Variants in TEAD1 observed in about 807,000 individuals in gnomAD.
TEAD1 encodes the protein transcriptional enhancer factor TEF-1.
Under a neutral mutation model 54.9 loss-of-function variants are expected in TEAD1, and 9 were observed. The observed-to-expected ratio is 0.16, with a 90% CI of 0.10 to 0.29. The LOEUF (loss-of-function observed/expected upper bound fraction) is 0.29. TEAD1 is among the 10% of genes least tolerant of loss of function. TEAD1 has a pLI of 1.00. For missense variants in TEAD1, 387 were observed against 535.9 expected, an observed-to-expected ratio of 0.72 and a Z score of 2.74; for synonymous variants, 200 against 187.8, an observed-to-expected ratio of 1.07 and a Z score of -0.53.
In TEAD1 at chr11:12,844,630, A is replaced by G. The variant is rs185849088; in HGVS notation, c.203-17620A>G. Reference sequence around the variant, plus strand: ...TGGCAGTGGAGCATTTGCTGACTTCAGAGTGCCAGATCAACCCCAATATTT... The same window carrying G: ...TGGCAGTGGAGCATTTGCTGACTTCGGAGTGCCAGATCAACCCCAATATTT... On this transcript the variant is annotated intron_variant, in intron 3 of 12. Transcript: ENST00000527636. Among the ~76,000 whole-genome samples, 140 of 152,296 alleles carry G rather than the reference A, an allele frequency of 9.2e-4. 1 individual carries two copies. The highest frequency in any genetic ancestry group is 4.8e-3 in the South Asian group (23 of 4,820).
chr11:12,794,412 G>A (rs2133965811), intron 3 of TEAD1, among the ~76,000 whole-genome samples: 1 of 152,234 alleles, frequency 6.6e-6, no homozygotes, highest in South Asian at 2.1e-4. Flanking sequence ...AACTTTGTCT[G>A]TGTATTATTT....
chr11:12,826,265 A>G (rs1392914888), intron 3 of TEAD1, among the ~76,000 whole-genome samples: 1 of 152,198 alleles, frequency 6.6e-6, no homozygotes, highest in African/African-American at 2.4e-5. Context: ...ATTTTTACTT[A>G]CCACTCAAAA....
At chr11:12,719,047 TGTG>T (rs1252263089) in intron 2 of TEAD1, among the ~76,000 whole-genome samples, 1 of 151,648 alleles carries the variant, frequency 6.6e-6, no homozygotes, top group Non-Finnish European at 1.5e-5. Flanking sequence ...CGTTTTCAAA[TGTG>T]GTTGGTTTCT....
chr11:12,760,335 C>A (rs1945074896), intron 2 of TEAD1, among the ~76,000 whole-genome samples: 1 of 152,146 alleles, frequency 6.6e-6, no homozygotes, highest in Non-Finnish European at 1.5e-5. Context: ...TTGTTATTTG[C>A]ATTTAACAAA....
At chr11:12,759,772 G>A (rs1476767686) in intron 2 of TEAD1, among the ~76,000 whole-genome samples, 1 of 152,210 alleles carries the variant, frequency 6.6e-6, no homozygotes, top group African/African-American at 2.4e-5. Flanking sequence ...TGAGGCAGGA[G>A]AATTGCTTGA....
intron 9 of TEAD1, among the ~76,000 whole-genome samples, chr11:12,896,952 A>T (rs1366229650): frequency 6.6e-6 from 1 of 152,150 alleles, no homozygotes; most frequent in African/African-American, 2.4e-5. Flanking sequence ...TCCATCGTTG[A>T]CCTTGAGATG....
At chr11:12,693,960 AG>A (rs1943521171) in intron 2 of TEAD1, among the ~76,000 whole-genome samples, 1 of 152,220 alleles carries the variant, frequency 6.6e-6, no homozygotes, top group Non-Finnish European at 1.5e-5. Flanking sequence ...TGTAAGCGGT[AG>A]GAAGATGTAT....
intron 3 of TEAD1, among the ~76,000 whole-genome samples, chr11:12,820,915 G>A (rs1946531461): frequency 6.6e-6 from 1 of 152,230 alleles, no homozygotes. Context: ...GTACATCCCA[G>A]TCTGCTGTAA....
At chr11:12,841,013 C>T (rs573021338) in intron 3 of TEAD1, among the ~76,000 whole-genome samples, 1 of 152,282 alleles carries the variant, frequency 6.6e-6, no homozygotes, top group African/African-American at 2.4e-5. Context: ...GAATTTGTTA[C>T]TGTCTGCTAA....
chr11:12,821,986 C>A (rs1946559608), intron 3 of TEAD1, among the ~76,000 whole-genome samples: 4 of 19,208 alleles, frequency 2.1e-4, no homozygotes, highest in African/African-American at 7.5e-4. Context: ...TTTTTTGAGA[C>A]AGAGTCTCTC....
intron 3 of TEAD1, among the ~76,000 whole-genome samples, chr11:12,860,506 T>C (rs1947478197): frequency 6.6e-6 from 1 of 152,216 alleles, no homozygotes; most frequent in Non-Finnish European, 1.5e-5. Flanking sequence ...GTCTTCGCAA[T>C]TCTCAGACAA....
intron 3 of TEAD1, among the ~76,000 whole-genome samples, chr11:12,832,742 A>C (rs1435411089): frequency 2.0e-5 from 3 of 152,254 alleles, no homozygotes; most frequent in African/African-American, 7.2e-5. Context: ...CTTTTTAACA[A>C]ATAAGAAGAA....
At chr11:12,683,002 G>T (rs554850134) in intron 2 of TEAD1, among the ~76,000 whole-genome samples, 1 of 152,110 alleles carries the variant, frequency 6.6e-6, no homozygotes, top group African/African-American at 2.4e-5. Flanking sequence ...TGAATGCAGC[G>T]GAGAGGAAAA....
chr11:12,817,892 T>G (rs1008345551), intron 3 of TEAD1, among the ~76,000 whole-genome samples: 1 of 152,242 alleles, frequency 6.6e-6, no homozygotes, highest in South Asian at 2.1e-4. Flanking sequence ...CAATGCAGCT[T>G]TGTCCCCACG....
chr11:12,693,036 G>A (rs1381896859), intron 2 of TEAD1, among the ~76,000 whole-genome samples: 2 of 152,190 alleles, frequency 1.3e-5, no homozygotes, highest in Non-Finnish European at 2.9e-5. Context: ...TCTTGTGTGG[G>A]GATAGTGGGG....
Position 12,881,010 on chromosome 11 carries a change from G to C in TEAD1, c.471G>C (p.Trp157Cys), listed in dbSNP as rs1220591959. 6.2e-7 allele frequency: 1 copy of C among 1,614,144 alleles called. No individual in the cohort carries two copies. The highest frequency in any genetic ancestry group is 8.5e-7 in the Non-Finnish European group (1 of 1,180,026). ...CTTTGCATTTTGCCTTCCAGTTCTG[G>C]CCGGGAATGATTCAAACAGGGCAGC... Residue 157 changes from tryptophan (W) to cysteine (C), a missense_variant, in exon 7 of 13, where the codon TGG becomes TGC. Around this residue, in one of 5 missense-constraint regions of TEAD1, gnomAD observed 180 missense variants for 180.6 expected, o/e 1.00. Coordinates refer to ENST00000527636, the MANE Select transcript of TEAD1 (RefSeq NM_021961.6).
chr11:12,723,347 A>G (rs1404359515), intron 2 of TEAD1, among the ~76,000 whole-genome samples: 3 of 152,182 alleles, frequency 2.0e-5, no homozygotes, highest in African/African-American at 7.2e-5. Flanking sequence ...TTGTTTTCTT[A>G]CAGTCAGGAC....
intron 5 of TEAD1, among the ~76,000 whole-genome samples, chr11:12,868,778 G>C (rs1029306977): frequency 2.0e-5 from 3 of 152,220 alleles, no homozygotes; most frequent in Admixed American, 2.0e-4. Flanking sequence ...GTGTGTTCTA[G>C]GTCCTTTTGT....
intron 2 of TEAD1, among the ~76,000 whole-genome samples, chr11:12,695,792 T>G (rs1173911491): frequency 3.9e-5 from 6 of 152,228 alleles, no homozygotes; most frequent in African/African-American, 9.6e-5. Context: ...TTATTTTATT[T>G]TCTGAGCCTG....
Sources: allele counts gnomAD v4.1 joint callset (sites outside exome capture counted in the v4.1 genomes callset), GRCh38; gene constraint gnomAD v4.1.1; regional missense constraint gnomAD v4.1.1; transcripts MANE v1.5; gene names NCBI Gene and HGNC (gene_info 2026-07-23, HGNC 2026-07-21).